Variants in NT5E observed in about 807,000 individuals in gnomAD.
NT5E encodes 5'-nucleotidase.
In NT5E, 53 loss-of-function variants were observed where a neutral mutation model predicts 55.1. The ratio of observed to expected loss-of-function variants is 0.96; its 90% confidence interval spans 0.77 to 1.21. NT5E has a LOEUF of 1.21. Among genes scored for constraint, NT5E ranks in the 50% most tolerant of loss-of-function variants. The pLI, the probability that NT5E is intolerant of heterozygous loss-of-function variation, is 0.00. For missense variants in NT5E, 683 were observed against 724.3 expected, an observed-to-expected ratio of 0.94 and a Z score of 0.65; for synonymous variants, 270 against 278.4, an observed-to-expected ratio of 0.97 and a Z score of 0.30.
intron 3 of NT5E, among the ~76,000 whole-genome samples, chr6:85,480,750 G>A (rs746957829): frequency 3.3e-5 from 5 of 152,276 alleles, no homozygotes; most frequent in South Asian, 4.1e-4. Context: ...TTTCTTGTGT[G>A]TTAAAGATAC....
rs1173633654 is a variant in NT5E at position 85,450,115 on chromosome 6, C to T, written c.-25C>T. 6 of 1,539,406 alleles carry T rather than the reference C, an allele frequency of 3.9e-6. No individual in the cohort carries two copies. Among genetic ancestry groups the T allele is most frequent in the African/African-American group, 1.4e-5 (1 of 73,094 alleles). ...GGCACTCGCCCGGCTCGCCCGCTTT[C>T]GCACCCAGTTCACGCGCCACAGCTA... On this transcript the variant is annotated 5_prime_UTR_variant, in exon 1 of 9. Transcript: ENST00000257770. This position sits in a 1 kb window ranked among gnomAD's most constrained non-coding sequence, Gnocchi z 4.0.
intron 3 of NT5E, among the ~76,000 whole-genome samples, chr6:85,472,348 C>A (rs1769331870): frequency 6.6e-6 from 1 of 152,032 alleles, no homozygotes; most frequent in African/African-American, 2.4e-5. Context: ...TAGGAAATAC[C>A]CAAAAACATT....
chr6:85,458,231 G>A (rs1054705975), intron 1 of NT5E, among the ~76,000 whole-genome samples: 1 of 152,164 alleles, frequency 6.6e-6, no homozygotes, highest in Non-Finnish European at 1.5e-5. Context: ...CTTTTAAAAA[G>A]GCAACAACAA....
chr6:85,479,219 T>C (rs1340789162), intron 3 of NT5E, among the ~76,000 whole-genome samples: 1 of 152,180 alleles, frequency 6.6e-6, no homozygotes. Context: ...TAAGCTAAAT[T>C]CACAAAATGA....
chr6:85,469,793 T>C (rs987820998), intron 2 of NT5E, among the ~76,000 whole-genome samples: 2 of 152,224 alleles, frequency 1.3e-5, no homozygotes, highest in African/African-American at 4.8e-5. Context: ...AATTATTAGG[T>C]TGTCATTCTG....
chr6:85,491,460 C>T (rs1769782581), intron 7 of NT5E: 1 of 303,254 alleles, frequency 3.3e-6, no homozygotes, highest in African/African-American at 2.2e-5. Flanking sequence ...GGGCCCTGTC[C>T]TAATGCCTAT....
intron 8 of NT5E, among the ~76,000 whole-genome samples, chr6:85,492,945 C>A (rs565000376): frequency 2.0e-5 from 3 of 152,236 alleles, no homozygotes; most frequent in Non-Finnish European, 4.4e-5. Flanking sequence ...AGGAGGCAGC[C>A]CTTCCTGGGA....
intron 1 of NT5E, 33 bp from the exon 2 acceptor site, chr6:85,467,027 C>A: frequency 6.3e-7 from 1 of 1,582,398 alleles, no homozygotes; most frequent in Non-Finnish European, 8.7e-7. Context: ...TTTTAAAGCA[C>A]CTAATTCTTT....
At chr6:85,471,083 G>C (rs1769294366) in intron 2 of NT5E, among the ~76,000 whole-genome samples, 154 bp from the exon 3 acceptor site, 1 of 152,112 alleles carries the variant, frequency 6.6e-6, no homozygotes, top group South Asian at 2.1e-4. Context: ...TTACTTCTTA[G>C]GGGTTTTGTA....
At chr6:85,461,497 G>C (rs1424360737) in intron 1 of NT5E, among the ~76,000 whole-genome samples, 2 of 152,214 alleles carry the variant, frequency 1.3e-5, no homozygotes, top group Non-Finnish European at 2.9e-5. Flanking sequence ...AGGCAGTTAG[G>C]TTGCACCTGA....
intron 1 of NT5E, among the ~76,000 whole-genome samples, chr6:85,463,704 A>G (rs1423561669): frequency 6.6e-6 from 1 of 152,196 alleles, no homozygotes; most frequent in Non-Finnish European, 1.5e-5. Flanking sequence ...AGATCAATGC[A>G]TTTACAAGAT....
At chr6:85,483,227 T>G (rs914112598) in intron 3 of NT5E, among the ~76,000 whole-genome samples, 1 of 152,238 alleles carries the variant, frequency 6.6e-6, no homozygotes, top group Non-Finnish European at 1.5e-5. Context: ...ACTCCTGATA[T>G]CTGCAACTAG....
At chr6:85,458,073 G>A (rs1159423073) in intron 1 of NT5E, among the ~76,000 whole-genome samples, 1 of 152,178 alleles carries the variant, frequency 6.6e-6, no homozygotes, top group Non-Finnish European at 1.5e-5. Flanking sequence ...TTGTCCCTAA[G>A]AAGAGAGACA....
intron 1 of NT5E, among the ~76,000 whole-genome samples, chr6:85,460,436 G>T (rs185466271): frequency 1.3e-5 from 2 of 152,262 alleles, no homozygotes; most frequent in African/African-American, 2.4e-5. Context: ...CTATTTATTG[G>T]TTTTTTCACA....
intron 5 of NT5E, among the ~76,000 whole-genome samples, chr6:85,488,487 A>G (rs922488103): frequency 5.3e-5 from 8 of 152,206 alleles, no homozygotes; most frequent in African/African-American, 1.2e-4. Flanking sequence ...CTGGAGGGAA[A>G]CAACCCAGGC....
chr6:85,486,238 G>T (rs1050887528), intron 4 of NT5E, among the ~76,000 whole-genome samples: 1 of 152,116 alleles, frequency 6.6e-6, no homozygotes, highest in Admixed American at 6.5e-5. Flanking sequence ...TAGTGTGTGC[G>T]TCAGTAATTT....
chr6:85,493,730 A>G, intron 8 of NT5E, 111 bp from the exon 9 acceptor site: 1 of 861,232 alleles, frequency 1.2e-6, no homozygotes, highest in Non-Finnish European at 1.9e-6. Flanking sequence ...CTTCTGTGAC[A>G]CTTTACCCCT....
At chr6:85,472,343 A>T (rs1399276142) in intron 3 of NT5E, among the ~76,000 whole-genome samples, 1 of 152,238 alleles carries the variant, frequency 6.6e-6, no homozygotes, top group Non-Finnish European at 1.5e-5. Context: ...ATAAGTAGGA[A>T]ATACCCAAAA....
At chr6:85,453,588 C>T (rs1268506292) in intron 1 of NT5E, among the ~76,000 whole-genome samples, 1 of 152,230 alleles carries the variant, frequency 6.6e-6, no homozygotes, top group Non-Finnish European at 1.5e-5. Context: ...AGGTGAGATT[C>T]TCACCAAGAC....
Sources: gnomAD v4.1 joint callset for allele counts (sites outside exome capture counted in the v4.1 genomes callset) on GRCh38, gnomAD v4.1.1 for gene constraint, Gnocchi (gnomAD v3.1) non-coding constraint, MANE v1.5 for transcripts, NCBI Gene and HGNC (gene_info 2026-07-23, HGNC 2026-07-21) for gene names.